The following CTNNA3 variants were observed in gnomAD, a reference collection of about 807,000 sequenced individuals.
The protein encoded by CTNNA3 is catenin alpha 3.
In CTNNA3, 76 loss-of-function variants were observed where a neutral mutation model predicts 95.7. The ratio of observed to expected loss-of-function variants is 0.79; its 90% CI spans 0.66 to 0.96. CTNNA3 has a LOEUF of 0.96. Among genes scored for constraint, CTNNA3 ranks in the 40% least tolerant of loss-of-function variants. The pLI is 0.00. For missense variants in CTNNA3, 1,191 were observed against 1,089.8 expected (o/e 1.09, Z -1.31); for synonymous variants, 431 against 374.4 (o/e 1.15, Z -1.74).
chr10:66,521,310 C>A (rs1282205077), intron 10 of CTNNA3, among the ~76,000 whole-genome samples: 1 of 152,036 alleles, frequency 6.6e-6, no homozygotes, highest in African/African-American at 2.4e-5. Flanking sequence ...AGACACTTTT[C>A]TAAGTGATGA....
At chr10:67,611,165 A>C (rs1025732005) in intron 2 of CTNNA3, among the ~76,000 whole-genome samples, 2 of 152,214 alleles carry the variant, frequency 1.3e-5, no homozygotes, top group African/African-American at 2.4e-5. Flanking sequence ...AGTATAAAAA[A>C]GGTTTTTATA....
intron 9 of CTNNA3, among the ~76,000 whole-genome samples, chr10:66,659,845 G>A (rs1046446676): frequency 6.6e-5 from 10 of 152,192 alleles, no homozygotes; most frequent in Non-Finnish European, 1.3e-4. Context: ...ATAAACTTCC[G>A]CTGTTTATAA....
rs979676756 is a variant in CTNNA3 at position 66,871,956 on chromosome 10, T to C, written c.1048-96432A>G. Among the ~76,000 whole-genome samples, 17 of 152,328 alleles carry C rather than the reference T, an allele frequency of 1.1e-4. No individual in the cohort carries two copies. The East Asian group carries it at 3.3e-3, about 29-fold the overall frequency. ...GACCAATAAATTTTGCACACAACTA[T>C]AGTATTATCTATATTAGCACTGCAC... On this transcript the variant is annotated intron_variant, in intron 7 of 17. Transcript: ENST00000433211.
intron 6 of CTNNA3, among the ~76,000 whole-genome samples, chr10:67,213,593 A>T (rs1215990208): frequency 6.6e-6 from 1 of 151,694 alleles, no homozygotes; most frequent in Non-Finnish European, 1.5e-5. Flanking sequence ...ATTTCCTTCT[A>T]TGTACTCCCT....
At chr10:66,721,999 G>A (rs563855114) in intron 9 of CTNNA3, among the ~76,000 whole-genome samples, 1 of 152,250 alleles carries the variant, frequency 6.6e-6, no homozygotes, top group South Asian at 2.1e-4. Context: ...GTGACATTAG[G>A]AAACTGAGAG....
chr10:67,581,370 T>C (rs1474859641), intron 3 of CTNNA3, among the ~76,000 whole-genome samples: 1 of 152,204 alleles, frequency 6.6e-6, no homozygotes, highest in Non-Finnish European at 1.5e-5. Flanking sequence ...TTTATTGATT[T>C]GTGTATGTTG....
intron 5 of CTNNA3, among the ~76,000 whole-genome samples, chr10:67,356,736 G>C (rs1479678872): frequency 6.6e-6 from 1 of 151,892 alleles, no homozygotes; most frequent in Non-Finnish European, 1.5e-5. Flanking sequence ...TAGTTACATT[G>C]CCTCCTTACT....
At chr10:66,410,446 G>A (rs2093094131) in intron 11 of CTNNA3, among the ~76,000 whole-genome samples, 2 of 152,290 alleles carry the variant, frequency 1.3e-5, no homozygotes, top group Admixed American at 6.5e-5. Flanking sequence ...TAAAGAGTAT[G>A]CTAGTCCCAC....
chr10:66,803,250 T>G (rs928658169), intron 7 of CTNNA3, among the ~76,000 whole-genome samples: 2 of 151,986 alleles, frequency 1.3e-5, no homozygotes, highest in Non-Finnish European at 2.9e-5. Flanking sequence ...TACCTCTAAC[T>G]CTCATATTTT....
intron 3 of CTNNA3, among the ~76,000 whole-genome samples, chr10:67,596,989 C>T (rs1842951544): frequency 6.6e-6 from 1 of 152,096 alleles, no homozygotes; most frequent in South Asian, 2.1e-4. Context: ...TTTTATCTGA[C>T]TGAGTTGTTT....
chr10:66,574,722 T>A (rs192731568), intron 10 of CTNNA3, among the ~76,000 whole-genome samples: 1 of 152,272 alleles, frequency 6.6e-6, no homozygotes, highest in East Asian at 1.9e-4. Context: ...ATGATTACTT[T>A]GAGCTTCCTG....
intron 7 of CTNNA3, among the ~76,000 whole-genome samples, chr10:66,985,136 T>C (rs1295694436): frequency 6.6e-6 from 1 of 152,176 alleles, no homozygotes; most frequent in African/African-American, 2.4e-5. Flanking sequence ...TAACATTATC[T>C]AATACTTCAC....
intron 7 of CTNNA3, among the ~76,000 whole-genome samples, chr10:66,943,588 G>A (rs140257422): frequency 7.3e-5 from 11 of 151,522 alleles, no homozygotes; most frequent in South Asian, 6.3e-4. Context: ...AAACTCTCAC[G>A]GCGAGGTGTT....
intron 15 of CTNNA3, among the ~76,000 whole-genome samples, chr10:66,055,682 G>A (rs979563907): frequency 1.3e-5 from 2 of 151,886 alleles, no homozygotes; most frequent in African/African-American, 2.4e-5. Context: ...CCAGCACTTC[G>A]GGAGGCCGAG....
intron 5 of CTNNA3, among the ~76,000 whole-genome samples, chr10:67,436,128 A>G (rs1354456081): frequency 6.6e-6 from 1 of 152,178 alleles, no homozygotes; most frequent in Non-Finnish European, 1.5e-5. Context: ...AAATAGACAC[A>G]TAGACTAATG....
At chr10:66,515,085 G>GCAAACATTTACCACAA (rs1840791747) in intron 11 of CTNNA3, among the ~76,000 whole-genome samples, 1 of 151,962 alleles carries the variant, frequency 6.6e-6, no homozygotes, top group African/African-American at 2.4e-5. Context: ...TACCACATGT[G>GCAAACATTTACCACAA]ATCTTCCTCT....
chr10:67,420,903 A>G (rs1359678678), intron 5 of CTNNA3, among the ~76,000 whole-genome samples: 1 of 152,158 alleles, frequency 6.6e-6, no homozygotes, highest in Non-Finnish European at 1.5e-5. Context: ...TCTTTTATCA[A>G]ACTTAATAGT....
chr10:66,814,851 C>CTTTT (rs71035183), intron 7 of CTNNA3, among the ~76,000 whole-genome samples: 2 of 114,980 alleles, frequency 1.7e-5, no homozygotes, highest in African/African-American at 3.2e-5. Context: ...AGTTAGCATT[C>CTTTT]TTTTTTTTTT....
chr10:67,486,712 G>T (rs1025765874), intron 5 of CTNNA3, among the ~76,000 whole-genome samples: 10 of 152,154 alleles, frequency 6.6e-5, no homozygotes, highest in African/African-American at 2.4e-4. Context: ...GCATATTTAT[G>T]CCTGAATAAG....
Sources: allele counts gnomAD v4.1 joint callset (sites outside exome capture counted in the v4.1 genomes callset), GRCh38; gene constraint gnomAD v4.1.1; transcripts MANE v1.5; gene names NCBI Gene and HGNC (gene_info 2026-07-23, HGNC 2026-07-21).